Variants in CNTNAP2 observed in about 807,000 individuals in gnomAD.
CNTNAP2 encodes contactin-associated protein-like 2.
CNTNAP2 carries 98 observed loss-of-function variants against 155.2 expected under a neutral mutation model. The observed-to-expected ratio is 0.63, with a 90% confidence interval of 0.54 to 0.75. The LOEUF is 0.75. Among genes scored for constraint, CNTNAP2 ranks in the 30% least tolerant of loss-of-function variants. CNTNAP2 has a pLI of 0.00. For missense variants in CNTNAP2, 1,727 were observed against 1,688.1 expected (o/e 1.02, Z -0.40); for synonymous variants, 651 against 631.2 (o/e 1.03, Z -0.47).
At chr7:148,076,729 C>T (rs1243263584) in intron 15 of CNTNAP2, among the ~76,000 whole-genome samples, 1 of 151,910 alleles carries the variant, frequency 6.6e-6, no homozygotes, top group Non-Finnish European at 1.5e-5. Context: ...AGGTGTGAGC[C>T]ACCGTGCCCG....
intron 1 of CNTNAP2, among the ~76,000 whole-genome samples, chr7:146,476,932 A>G (rs887206399): frequency 2.6e-5 from 4 of 152,168 alleles, no homozygotes; most frequent in Non-Finnish European, 1.5e-5. Context: ...TTTTAAACAA[A>G]GGTAGAGAAT....
chr7:148,230,197 AT>A (rs1221625966), intron 20 of CNTNAP2, among the ~76,000 whole-genome samples: 3 of 152,106 alleles, frequency 2.0e-5, no homozygotes, highest in Non-Finnish European at 4.4e-5. Context: ...AAAGAGCTGT[AT>A]TTTTCTCTCT....
chr7:146,395,137 A>G (rs533424355), intron 1 of CNTNAP2, among the ~76,000 whole-genome samples: 13 of 152,174 alleles, frequency 8.5e-5, no homozygotes, highest in African/African-American at 1.2e-4. Flanking sequence ...TCTTTATCGC[A>G]TCATCCACTG....
intron 1 of CNTNAP2, among the ~76,000 whole-genome samples, chr7:146,445,815 A>T (rs1309401139): frequency 1.3e-5 from 2 of 152,196 alleles, no homozygotes; most frequent in Non-Finnish European, 1.5e-5. Flanking sequence ...TAGCATTGAC[A>T]GTAGGAATTC....
intron 3 of CNTNAP2, among the ~76,000 whole-genome samples, chr7:146,913,280 G>A (rs1335055153): frequency 6.6e-6 from 1 of 152,162 alleles, no homozygotes; most frequent in Non-Finnish European, 1.5e-5. Flanking sequence ...TATGGAAAGA[G>A]GATGAGGCTG....
At chr7:147,624,771 A>G (rs1349248680) in intron 12 of CNTNAP2, among the ~76,000 whole-genome samples, 1 of 152,198 alleles carries the variant, frequency 6.6e-6, no homozygotes, top group Non-Finnish European at 1.5e-5. Flanking sequence ...ACACAAAAGA[A>G]TGGAAATCAG....
At chr7:146,510,820 TATTTA>T (rs1483771948) in intron 1 of CNTNAP2, among the ~76,000 whole-genome samples, 1 of 152,152 alleles carries the variant, frequency 6.6e-6, no homozygotes, top group Non-Finnish European at 1.5e-5. Context: ...CTGAGTTTTG[TATTTA>T]ATTTTTGTAT....
At chr7:147,428,038 CAAAGA>C (rs1797407823) in intron 10 of CNTNAP2, among the ~76,000 whole-genome samples, 3 of 151,984 alleles carry the variant, frequency 2.0e-5, no homozygotes, top group Admixed American at 2.0e-4. Context: ...ATTTCAGTTG[CAAAGA>C]ATAGTACAAA....
At chr7:147,782,668 C>T (rs1249880084) in intron 13 of CNTNAP2, among the ~76,000 whole-genome samples, 1 of 152,150 alleles carries the variant, frequency 6.6e-6, no homozygotes, top group African/African-American at 2.4e-5. Context: ...ACACTTAATA[C>T]CATTGCATTA....
chr7:147,731,621 A>C (rs1608795), intron 13 of CNTNAP2, among the ~76,000 whole-genome samples: 147,089 of 152,212 alleles, frequency 0.97, 71,243 homozygotes, highest in East Asian at 1. Context: ...GTCTATTCTG[A>C]AGCCTGTGAA....
intron 13 of CNTNAP2, among the ~76,000 whole-genome samples, chr7:147,886,082 C>A (rs1017353448): frequency 6.6e-6 from 1 of 152,178 alleles, no homozygotes; most frequent in Non-Finnish European, 1.5e-5. Flanking sequence ...TGCTGCAGCA[C>A]CCTAAGAGGT....
chr7:147,264,667 C>T (rs1339916523), intron 8 of CNTNAP2, among the ~76,000 whole-genome samples: 2 of 150,964 alleles, frequency 1.3e-5, no homozygotes, highest in Non-Finnish European at 3.0e-5. Flanking sequence ...TGCATCAGAA[C>T]CCTACAGCTG....
chr7:146,882,237 G>A (rs528619991), intron 3 of CNTNAP2, among the ~76,000 whole-genome samples: 1 of 152,076 alleles, frequency 6.6e-6, no homozygotes, highest in South Asian at 2.1e-4. Context: ...TTGATTCCAT[G>A]TCTTTGCTAT....
chr7:147,097,032 A>G (rs1292669069), intron 4 of CNTNAP2, among the ~76,000 whole-genome samples: 1 of 152,258 alleles, frequency 6.6e-6, no homozygotes, highest in Admixed American at 6.5e-5. Context: ...AACCAAAATT[A>G]CAGAATTGTT....
At chr7:146,607,223 G>A (rs1040277653) in intron 1 of CNTNAP2, among the ~76,000 whole-genome samples, 2 of 152,062 alleles carry the variant, frequency 1.3e-5, no homozygotes, top group Non-Finnish European at 2.9e-5. Flanking sequence ...ATTGGGTAAC[G>A]TTTGAATCTT....
intron 12 of CNTNAP2, among the ~76,000 whole-genome samples, chr7:147,586,581 A>AGGGAC: frequency 1.2e-5 from 1 of 86,148 alleles, no homozygotes; most frequent in South Asian, 4.4e-4. Flanking sequence ...GAGGGAGGGA[A>AGGGAC]AGAGGAAAGG....
chr7:147,364,827 C>T (rs182227780), intron 9 of CNTNAP2, among the ~76,000 whole-genome samples: 64 of 149,208 alleles, frequency 4.3e-4, no homozygotes, highest in African/African-American at 1.5e-3. Flanking sequence ...CCAGCCTGGG[C>T]GACGGAGTGA....
At chr7:148,364,327 C>T (rs894238560) in intron 21 of CNTNAP2, among the ~76,000 whole-genome samples, 1 of 152,238 alleles carries the variant, frequency 6.6e-6, no homozygotes, top group Non-Finnish European at 1.5e-5. Context: ...ATTGTAAATA[C>T]ACCAATCGGG....
intron 17 of CNTNAP2, among the ~76,000 whole-genome samples, chr7:148,169,774 A>G (rs2116687304): frequency 6.6e-6 from 1 of 152,346 alleles, no homozygotes; most frequent in South Asian, 2.1e-4. Flanking sequence ...AGCCTGGTTA[A>G]CATGGTGAAA....
Sources: gnomAD v4.1 joint callset for allele counts (sites outside exome capture counted in the v4.1 genomes callset) on GRCh38, gnomAD v4.1.1 for gene constraint, MANE v1.5 for transcripts, NCBI Gene and HGNC (gene_info 2026-07-23, HGNC 2026-07-21) for gene names.